The following HS2ST1 variants were observed in gnomAD, a reference collection of about 807,000 sequenced individuals.
The protein encoded by HS2ST1 is heparan sulfate 2-O-sulfotransferase 1.
In HS2ST1, 18 loss-of-function variants were observed where a neutral mutation model predicts 42.9. That is an observed-to-expected ratio of 0.42 (90% CI 0.29 to 0.62). HS2ST1 has a LOEUF of 0.62. Among genes scored for constraint, HS2ST1 ranks in the 20% least tolerant of loss-of-function variants. HS2ST1 has a pLI of 0.21. For synonymous variants in HS2ST1, 146 were observed against 152.9 expected (o/e 0.95, Z 0.33); for missense variants, 334 against 433.8 (o/e 0.77, Z 2.04).
intron 1 of HS2ST1, 84 bp from the exon 2 acceptor site, chr1:87,072,850 T>C: frequency 3.2e-6 from 3 of 941,538 alleles, no homozygotes; most frequent in Non-Finnish European, 4.9e-6. Flanking sequence ...TTTGTATCTT[T>C]TCTAATCATG....
At chr1:87,095,113 A>G (rs868704324) in intron 4 of HS2ST1, among the ~76,000 whole-genome samples, 3 of 152,218 alleles carry the variant, frequency 2.0e-5, no homozygotes, top group South Asian at 4.1e-4. Flanking sequence ...TTTATTGCAA[A>G]TAACTCCTTA....
chr1:87,108,083 G>A lies in HS2ST1; in HGVS notation c.*3387G>A, dbSNP rs1043420378. ...ATTCCTCAAATCGTTGGTGCCATCAGTGATTTACAAACAATATTTTGATAT... is the reference window on the plus strand; with the variant it reads ...ATTCCTCAAATCGTTGGTGCCATCAATGATTTACAAACAATATTTTGATAT... On this transcript the variant is annotated 3_prime_UTR_variant, in exon 7 of 7. Transcript: ENST00000370550. The A allele has an allele frequency of 4.6e-5, 7 of 152,066 alleles. No homozygotes were observed. 9.4% of individuals were successfully genotyped at this position (152,066 alleles called of 1,614,324 possible). A position where few individuals can be genotyped will look rare whatever the true frequency, so the allele number is the denominator to read the frequency against.
intron 1 of HS2ST1, among the ~76,000 whole-genome samples, chr1:87,001,367 G>T (rs1466252057): frequency 6.6e-6 from 1 of 152,120 alleles, no homozygotes; most frequent in Admixed American, 6.5e-5. Flanking sequence ...AAAGTCTGTT[G>T]TAGTGGTTGT....
At chr1:87,053,311 C>A (rs527594077) in intron 1 of HS2ST1, among the ~76,000 whole-genome samples, 1 of 152,266 alleles carries the variant, frequency 6.6e-6, no homozygotes, top group South Asian at 2.1e-4. Flanking sequence ...GATATTTCAA[C>A]AATCAAAGCA....
At chr1:87,014,340 CT>C (rs1649688252) in intron 1 of HS2ST1, among the ~76,000 whole-genome samples, 1 of 152,150 alleles carries the variant, frequency 6.6e-6, no homozygotes, top group South Asian at 2.1e-4. Flanking sequence ...GGGAACTCCC[CT>C]TTATAAAACC....
At chr1:87,098,095 C>T (rs989166433) in intron 5 of HS2ST1, 160 bp downstream of exon 5, 3 of 1,403,344 alleles carry the variant, frequency 2.1e-6, no homozygotes, top group East Asian at 2.7e-5. Context: ...CTTTTAAATG[C>T]ATTTAAAAGA....
At chr1:87,055,061 G>A (rs1650926680) in intron 1 of HS2ST1, among the ~76,000 whole-genome samples, 1 of 152,068 alleles carries the variant, frequency 6.6e-6, no homozygotes, top group African/African-American at 2.4e-5. Context: ...ATGGGGCTGG[G>A]AGGGAACAGA....
chr1:86,927,303 C>T (rs945623486), intron 1 of HS2ST1, among the ~76,000 whole-genome samples: 6 of 152,112 alleles, frequency 3.9e-5, no homozygotes, highest in Admixed American at 3.3e-4. Context: ...AGATCTTCAA[C>T]GTGGCATGGC....
chr1:86,947,584 C>CTT (rs370209111), intron 1 of HS2ST1, among the ~76,000 whole-genome samples: 23 of 139,300 alleles, frequency 1.7e-4, no homozygotes, highest in South Asian at 1.1e-3. Flanking sequence ...GTCCCTTCTC[C>CTT]TTTTTTTTTT....
At chr1:87,016,955 T>G (rs1649776855) in intron 1 of HS2ST1, among the ~76,000 whole-genome samples, 1 of 152,156 alleles carries the variant, frequency 6.6e-6, no homozygotes, top group Non-Finnish European at 1.5e-5. Flanking sequence ...TATGTTATCT[T>G]TAGGGTGCCT....
chr1:86,967,378 A>T (rs1428111148), intron 1 of HS2ST1, among the ~76,000 whole-genome samples: 1 of 152,008 alleles, frequency 6.6e-6, no homozygotes, highest in African/African-American at 2.4e-5. Context: ...GAATTCTGAG[A>T]TTTTAGTTTG....
At chr1:87,088,990 A>C (rs1028726952) in intron 3 of HS2ST1, among the ~76,000 whole-genome samples, 3 of 151,994 alleles carry the variant, frequency 2.0e-5, no homozygotes, top group Non-Finnish European at 4.4e-5. Flanking sequence ...CTAAGTAGAG[A>C]AGTTAAATTT....
At chr1:86,993,625 CT>C (rs2100562675) in intron 1 of HS2ST1, among the ~76,000 whole-genome samples, 1 of 152,184 alleles carries the variant, frequency 6.6e-6, no homozygotes, top group East Asian at 1.9e-4. Context: ...AATTTATTTT[CT>C]TTCCATTTTT....
chr1:87,074,448 T>G (rs1651491359), intron 2 of HS2ST1, among the ~76,000 whole-genome samples: 1 of 152,228 alleles, frequency 6.6e-6, no homozygotes, highest in Non-Finnish European at 1.5e-5. Flanking sequence ...GATAATAATT[T>G]CAGATTTATT....
chr1:87,012,847 C>CT (rs1344398373), intron 1 of HS2ST1, among the ~76,000 whole-genome samples: 4 of 152,234 alleles, frequency 2.6e-5, no homozygotes, highest in African/African-American at 9.6e-5. Context: ...AACAAAGGGG[C>CT]TACAGGCCCC....
At chr1:86,972,221 T>C (rs1415909471) in intron 1 of HS2ST1, among the ~76,000 whole-genome samples, 1 of 152,240 alleles carries the variant, frequency 6.6e-6, no homozygotes, top group Non-Finnish European at 1.5e-5. Context: ...AGGTTTCACT[T>C]TCTCTAGTTT....
intron 1 of HS2ST1, among the ~76,000 whole-genome samples, chr1:86,926,351 CTT>C (rs1660422159): frequency 6.6e-6 from 1 of 152,178 alleles, no homozygotes; most frequent in Non-Finnish European, 1.5e-5. Flanking sequence ...GCCCGGCAAA[CTT>C]CAGCCGCCTT....
At chr1:86,926,561 G>C (rs901520370) in intron 1 of HS2ST1, among the ~76,000 whole-genome samples, 2 of 152,148 alleles carry the variant, frequency 1.3e-5, no homozygotes, top group African/African-American at 4.8e-5. Context: ...GAAAATTGCT[G>C]TTCTCTATTT....
At chr1:87,094,074 A>G (rs1391342135) in intron 4 of HS2ST1, among the ~76,000 whole-genome samples, 1 of 152,126 alleles carries the variant, frequency 6.6e-6, no homozygotes, top group Non-Finnish European at 1.5e-5. Flanking sequence ...TTACTACTTT[A>G]GAATTTATTG....
Sources: allele counts gnomAD v4.1 joint callset (sites outside exome capture counted in the v4.1 genomes callset), GRCh38; gene constraint gnomAD v4.1.1; transcripts MANE v1.5; gene names NCBI Gene and HGNC (gene_info 2026-07-23, HGNC 2026-07-21).